GPR45: variants seen among roughly 807,000 people sequenced by gnomAD.
GPR45 encodes probable G protein-coupled receptor 45.
Under a neutral mutation model 5.9 loss-of-function variants are expected in GPR45, and 7 were observed. The ratio of observed to expected loss-of-function variants is 1.19; its 90% CI spans 0.68 to 2.23. The LOEUF (loss-of-function observed/expected upper bound fraction) is 2.23. Ranked by LOEUF, GPR45 falls within the 30% of genes most tolerant of loss-of-function variation. The pLI is 0.00. For synonymous variants in GPR45, 220 were observed against 226.3 expected, an observed-to-expected ratio of 0.97 and a Z score of 0.25; for missense variants, 440 against 496.9, an observed-to-expected ratio of 0.89 and a Z score of 1.09.
At position 105,242,715 on chromosome 2, in the gene GPR45, A is replaced by G. The variant is rs759108867; in HGVS notation, c.857A>G (p.Tyr286Cys). The G allele has an allele frequency of 6.2e-7, 1 of 1,611,352 alleles. No homozygotes were observed. Among genetic ancestry groups the G allele is most frequent in the Non-Finnish European group, 8.5e-7 (1 of 1,178,160 alleles). ...CTCTGCTGGCTGCCCCACTCCGTCT[A>G]CAGCCTCCTGTCTGTGTTTAGCCAG... ...FSLCWLPHSV[Y>C]SLLSVFSQRF... The change falls in exon 1 of 1, where the codon TAC becomes TGC. Residue 286 changes from tyrosine (Y) to cysteine (C), a missense_variant. Physicochemically the swap from Tyr to Cys is radical, Grantham distance 194. Coordinates refer to ENST00000258456, the MANE Select transcript of GPR45 (RefSeq NM_007227.3). The surrounding 1 kb of genome is among the most constrained non-coding windows in gnomAD (Gnocchi z 4.8).
chr2:105,242,193 C>T lies in GPR45; in HGVS notation c.335C>T (p.Thr112Met). The T allele has an allele frequency of 6.2e-7, 1 of 1,614,152 alleles. No homozygotes were observed. Among genetic ancestry groups the T allele is most frequent in the Non-Finnish European group, 8.5e-7 (1 of 1,180,028 alleles). The change falls in exon 1 of 1, where the codon ACG (threonine) becomes ATG (methionine). Residue 112 changes from threonine (T) to methionine (M), a missense_variant. Physicochemically the swap from Thr to Met is moderately conservative, Grantham distance 81 (BLOSUM62 -1). Transcript: ENST00000258456. This position sits in a 1 kb window ranked among gnomAD's most constrained non-coding sequence, Gnocchi z 4.8. Reference sequence around the variant, plus strand: ...GACCACTTCTGCCGCCTCTCAGCCACGCTCTACTGGTTTTTTGTCCTGGAG... The same window carrying T: ...GACCACTTCTGCCGCCTCTCAGCCATGCTCTACTGGTTTTTTGTCCTGGAG... Reference protein sequence around the residue: ...FGDHFCRLSATLYWFFVLEGV... With the variant: ...FGDHFCRLSAMLYWFFVLEGV...
Position 105,242,660 on chromosome 2 carries a change from A to G in GPR45, c.802A>G (p.Thr268Ala). ...GAGCTTCAAGACCAAGGCCTTCACCACCATCCTGATCCTCTTCGTGGGCTT... is the reference window on the plus strand; with the variant it reads ...GAGCTTCAAGACCAAGGCCTTCACCGCCATCCTGATCCTCTTCGTGGGCTT... ...DLSFKTKAFT[T>A]ILILFVGFSL... is the part of the protein sequence containing the mutation. Residue 268 changes from threonine (T) to alanine (A), a missense_variant, in exon 1 of 1, where the codon ACC becomes GCC. Thr to Ala is a moderately conservative substitution (Grantham distance 58). Transcript: ENST00000258456. This position sits in a 1 kb window ranked among gnomAD's most constrained non-coding sequence, Gnocchi z 4.8. 8.8e-6 allele frequency: 14 copies of G among 1,599,116 alleles called. No individual in the cohort carries two copies. Among genetic ancestry groups the G allele is most frequent in the Non-Finnish European group, 1.2e-5 (14 of 1,171,348 alleles).
In GPR45 at chr2:105,243,439, G is replaced by C. The variant is rs1387798792; in HGVS notation, c.*462G>C. On this transcript the variant is annotated 3_prime_UTR_variant, in exon 1 of 1. Coordinates refer to ENST00000258456, the MANE Select transcript of GPR45 (RefSeq NM_007227.3). The stretch of plus-strand genomic sequence containing the variant: ...GTTCATTCATTTTGTTTGACACCAG[G>C]GTTCTTCAGCTATTGATGTTTGTGG... Among the ~76,000 whole-genome samples, 1 of 152,188 alleles carries C rather than the reference G, an allele frequency of 6.6e-6. No homozygotes were observed. The highest frequency in any genetic ancestry group is 1.5e-5 in the Non-Finnish European group (1 of 68,042).
chr2:105,243,132 C>A lies in GPR45; in HGVS notation c.*155C>A. ...TTGTAATCAGATGAGCTGCAGCTCCCAAATTTCAAATTTTGGCACGATGAA... is the reference window on the plus strand; with the variant it reads ...TTGTAATCAGATGAGCTGCAGCTCCAAAATTTCAAATTTTGGCACGATGAA... On this transcript the variant is annotated 3_prime_UTR_variant, in exon 1 of 1. Transcript: ENST00000258456. The A allele has an allele frequency of 1.0e-6, 1 of 984,440 alleles. No individual in the cohort carries two copies. The allele number at this position is 984,440 out of a possible 1,614,324, so 61.0% of individuals were successfully genotyped here.
rs962014378 is a variant in GPR45 at position 105,242,483 on chromosome 2, G to T, written c.625G>T (p.Gly209Cys). The T allele has an allele frequency of 5.6e-6, 9 of 1,605,692 alleles. 1 individual carries two copies. In the Admixed American group the frequency reaches 1.2e-4, roughly 21 times the overall value. Residue 209 changes from glycine (G) to cysteine (C), a missense_variant, in exon 1 of 1, where the codon GGC (glycine) becomes TGC (cysteine). By Grantham distance (159) the Gly-to-Cys change is radical. Transcript: ENST00000258456. The surrounding 1 kb of genome is among the most constrained non-coding windows in gnomAD (Gnocchi z 4.8). The stretch of plus-strand genomic sequence containing the variant: ...GGTGGCCGTGTTCTTCGCGCCCTTT[G>T]GCGTCATGCTGTGCGCCTACATGTG... The part of the protein sequence containing the change: ...LVVAVFFAPF[G>C]VMLCAYMCIL...
At position 105,242,755 on chromosome 2, in the gene GPR45, T is replaced by C. The variant is rs1469086853; in HGVS notation, c.897T>C (p.Gly299=). The change falls in exon 1 of 1, where the codon GGT becomes GGC. Residue 299 remains glycine, a synonymous_variant. Transcript: ENST00000258456. This position sits in a 1 kb window ranked among gnomAD's most constrained non-coding sequence, Gnocchi z 4.8. ...TGTTTAGCCAGCGCTTTTACTGCGGTTCCTCCTTCTACGCCACCAGCACCT... is the reference window on the plus strand; with the variant it reads ...TGTTTAGCCAGCGCTTTTACTGCGGCTCCTCCTTCTACGCCACCAGCACCT... ...LSVFSQRFYC[G]SSFYATSTCV... is the part of the protein sequence containing the mutation. 1 of 1,614,120 alleles carries C rather than the reference T, an allele frequency of 6.2e-7. No individual in the cohort carries two copies. Among genetic ancestry groups the C allele is most frequent in the South Asian group, 1.1e-5 (1 of 91,082 alleles).
rs970662249 is a variant in GPR45, at chr2:105,242,438, G to A, written c.580G>A (p.Ala194Thr). 14 of 1,609,036 alleles carry A rather than the reference G, an allele frequency of 8.7e-6. No individual in the cohort carries two copies. In the African/African-American group the frequency reaches 1.2e-4, roughly 14 times the overall value. Residue 194 changes from alanine to threonine, a missense_variant, in exon 1 of 1, where the codon GCC becomes ACC. Coordinates refer to ENST00000258456, the MANE Select transcript of GPR45 (RefSeq NM_007227.3). This position sits in a 1 kb window ranked among gnomAD's most constrained non-coding sequence, Gnocchi z 4.8. ...LGYTELPADR[A>T]YVVTLVVAVF... ...CTACACGGAGCTCCCCGCTGACCGC[G>A]CCTACGTGGTCACCTTGGTGGTGGC...
At position 105,241,948 on chromosome 2, in the gene GPR45, C is replaced by T. The variant is rs201019049; in HGVS notation, c.90C>T (p.Pro30=). The T allele has an allele frequency of 5.0e-6, 8 of 1,612,844 alleles. No homozygotes were observed. Among genetic ancestry groups the T allele is most frequent in the East Asian group, 2.2e-5 (1 of 44,830 alleles). ...NASDSGSTQL[P]APLRISLAIV... ...CAGACTCGGGGTCCACCCAGTTGCC[C>T]GCACCCCTCAGGATCTCCTTGGCCA... Residue 30 remains proline, a synonymous_variant, in exon 1 of 1, where the codon CCC becomes CCT. Transcript: ENST00000258456.
At position 105,242,571 on chromosome 2, in the gene GPR45, T is replaced by C; in HGVS notation, c.713T>C (p.Leu238Pro). Residue 238 changes from leucine to proline, a missense_variant, in exon 1 of 1, where the codon CTG becomes CCG. Leu to Pro is a moderately conservative substitution (Grantham distance 98). Transcript: ENST00000258456. The surrounding 1 kb of genome is among the most constrained non-coding windows in gnomAD (Gnocchi z 4.8). Reference protein sequence around the residue: ...RVHNQSDSLDLRQLTRAGLRR... With the variant: ...RVHNQSDSLDPRQLTRAGLRR... Reference sequence around the variant, plus strand: ...CACAACCAGTCGGACAGCCTGGACCTGCGGCAGCTCACCAGGGCGGGCCTG... The same window carrying C: ...CACAACCAGTCGGACAGCCTGGACCCGCGGCAGCTCACCAGGGCGGGCCTG... The C allele has an allele frequency of 1.9e-6, 3 of 1,610,482 alleles. No individual in the cohort carries two copies. The highest frequency in any genetic ancestry group is 2.5e-6 in the Non-Finnish European group (3 of 1,179,604).
At position 105,242,382 on chromosome 2, in the gene GPR45, T is replaced by C; in HGVS notation, c.524T>C (p.Val175Ala). 1 of 1,612,384 alleles carries C rather than the reference T, an allele frequency of 6.2e-7. No homozygotes were observed. The highest frequency in any genetic ancestry group is 1.1e-5 in the South Asian group (1 of 91,004). Reference sequence around the variant, plus strand: ...CTCACGGGCTGGACGCTGGTGGAGGTGCCGGCGCGGGCCCCACAGTGCGTG... The same window carrying C: ...CTCACGGGCTGGACGCTGGTGGAGGCGCCGGCGCGGGCCCCACAGTGCGTG... ...PSLTGWTLVE[V>A]PARAPQCVLG... Residue 175 changes from valine (V) to alanine (A), a missense_variant, in exon 1 of 1, where the codon GTG (valine) becomes GCG (alanine). Coordinates refer to ENST00000258456, the MANE Select transcript of GPR45 (RefSeq NM_007227.3). The surrounding 1 kb of genome is among the most constrained non-coding windows in gnomAD (Gnocchi z 4.8).
chr2:105,242,181 G>C lies in GPR45; in HGVS notation c.323G>C (p.Arg108Pro). ...TGGCACTTTGGGGACCACTTCTGCC[G>C]CCTCTCAGCCACGCTCTACTGGTTT... The part of the protein sequence containing the change: ...VRWHFGDHFC[R>P]LSATLYWFFV... Residue 108 changes from arginine (R) to proline (P), a missense_variant, in exon 1 of 1, where the codon CGC becomes CCC. Coordinates refer to ENST00000258456, the MANE Select transcript of GPR45 (RefSeq NM_007227.3). This position sits in a 1 kb window ranked among gnomAD's most constrained non-coding sequence, Gnocchi z 4.8. 6.2e-7 allele frequency: 1 copy of C among 1,614,040 alleles called. No individual in the cohort carries two copies. The highest frequency in any genetic ancestry group is 8.5e-7 in the Non-Finnish European group (1 of 1,180,028).
chr2:105,243,410 G>C lies in GPR45; in HGVS notation c.*433G>C, dbSNP rs985415438. ...GAAACCCCAGTAGGTGTGAGCTCCT[G>C]GGTGTTCATTCATTTTGTTTGACAC... On this transcript the variant is annotated 3_prime_UTR_variant, in exon 1 of 1. Transcript: ENST00000258456. 6.6e-6 allele frequency among the ~76,000 whole-genome samples: 1 copy of C among 152,130 alleles called. No individual in the cohort carries two copies. Among genetic ancestry groups the C allele is most frequent in the Non-Finnish European group, 1.5e-5 (1 of 68,030 alleles).
At position 105,242,022 on chromosome 2, in the gene GPR45, T is replaced by C. The variant is rs759792071; in HGVS notation, c.164T>C (p.Val55Ala). ...GTGGGGTTCCTGGGCAACACTGTGG[T>C]CTGCATCATCGTGTACCAGAGGCCG... The part of the protein sequence containing the change: ...TVVGFLGNTV[V>A]CIIVYQRPAM... Residue 55 changes from valine to alanine, a missense_variant, in exon 1 of 1, where the codon GTC becomes GCC. By Grantham distance (64) the Val-to-Ala change is moderately conservative. Coordinates refer to ENST00000258456, the MANE Select transcript of GPR45 (RefSeq NM_007227.3). This position sits in a 1 kb window ranked among gnomAD's most constrained non-coding sequence, Gnocchi z 4.8. The C allele has an allele frequency of 5.6e-6, 9 of 1,614,028 alleles. No homozygotes were observed. The highest frequency in any genetic ancestry group is 1.1e-5 in the South Asian group (1 of 91,080).
In GPR45 at chr2:105,243,036, C is replaced by T. The variant is rs759956973; in HGVS notation, c.*59C>T. 2.3e-5 allele frequency: 36 copies of T among 1,544,360 alleles called. No individual in the cohort carries two copies. In the Middle Eastern group the frequency reaches 5.2e-4, roughly 22 times the overall value. ...GCCCCAGTCCCAGGGTGGATCTGTC[C>T]TGCTCTGTTCCCTGGCATGTTGGTC... is the stretch of plus-strand genomic sequence containing the variant. On this transcript the variant is annotated 3_prime_UTR_variant, in exon 1 of 1. Coordinates refer to ENST00000258456, the MANE Select transcript of GPR45 (RefSeq NM_007227.3).
chr2:105,243,092 C>A lies in GPR45; in HGVS notation c.*115C>A. On this transcript the variant is annotated 3_prime_UTR_variant, in exon 1 of 1. Transcript: ENST00000258456. ...CTGCACTTTGTGGTGGCAATTTAAG[C>A]ACAAAGGTACTCATTTGTAATCAGA... 7.6e-7 allele frequency: 1 copy of A among 1,308,290 alleles called. No homozygotes were observed. Among genetic ancestry groups the A allele is most frequent in the Non-Finnish European group, 1.0e-6 (1 of 955,922 alleles). The allele number at this position is 1,308,290 out of a possible 1,614,324, so 81.0% of individuals were successfully genotyped here. A position where few individuals can be genotyped will look rare whatever the true frequency, so the allele number is the denominator to read the frequency against.
rs940896807 is a variant in GPR45 at position 105,243,460 on chromosome 2, T to C, written c.*483T>C. On this transcript the variant is annotated 3_prime_UTR_variant, in exon 1 of 1. Transcript: ENST00000258456. ...CCAGGGTTCTTCAGCTATTGATGTT[T>C]GTGGTGTGTGGGGACTCACATGAGG... is the stretch of plus-strand genomic sequence containing the variant. 3.9e-5 allele frequency among the ~76,000 whole-genome samples: 6 copies of C among 152,190 alleles called. No individual in the cohort carries two copies. The highest frequency in any genetic ancestry group is 7.4e-5 in the Non-Finnish European group (5 of 68,020).
In GPR45 at chr2:105,241,935, C is replaced by G; in HGVS notation, c.77C>G (p.Ser26Cys). 6.2e-6 allele frequency: 10 copies of G among 1,611,044 alleles called. No homozygotes were observed. The highest frequency in any genetic ancestry group is 8.5e-6 in the Non-Finnish European group (10 of 1,177,942). ...ACCAGCAACGCCTCAGACTCGGGGT[C>G]CACCCAGTTGCCCGCACCCCTCAGG... ...LNTSNASDSG[S>C]TQLPAPLRIS... Residue 26 changes from serine to cysteine, a missense_variant, in exon 1 of 1, where the codon TCC (serine) becomes TGC (cysteine). Physicochemically the swap from Ser to Cys is moderately radical, Grantham distance 112. Transcript: ENST00000258456.
Position 105,242,841 on chromosome 2 carries a change from T to C in GPR45, c.983T>C (p.Ile328Thr). The change falls in exon 1 of 1, where the codon ATC becomes ACC. Residue 328 changes from isoleucine to threonine, a missense_variant. Transcript: ENST00000258456. This position sits in a 1 kb window ranked among gnomAD's most constrained non-coding sequence, Gnocchi z 4.8. Reference sequence around the variant, plus strand: ...AACCCCATCGTCTACTGCTGGAGAATCAAAAAATTCCGCGAGGCCTGCATA... The same window carrying C: ...AACCCCATCGTCTACTGCTGGAGAACCAAAAAATTCCGCGAGGCCTGCATA... ...VFNPIVYCWR[I>T]KKFREACIEL... is the part of the protein sequence containing the mutation. 1.2e-6 allele frequency: 2 copies of C among 1,614,170 alleles called. No individual in the cohort carries two copies. Among genetic ancestry groups the C allele is most frequent in the Non-Finnish European group, 1.7e-6 (2 of 1,180,026 alleles).
rs1676372827 is a variant in GPR45, at chr2:105,242,582, A to T, written c.724A>T (p.Thr242Ser). Reference protein sequence around the residue: ...QSDSLDLRQLTRAGLRRLQRQ... With the variant: ...QSDSLDLRQLSRAGLRRLQRQ... ...GGACAGCCTGGACCTGCGGCAGCTCACCAGGGCGGGCCTGCGGCGCCTGCA... is the reference window on the plus strand; with the variant it reads ...GGACAGCCTGGACCTGCGGCAGCTCTCCAGGGCGGGCCTGCGGCGCCTGCA... Residue 242 changes from threonine (T) to serine (S), a missense_variant, in exon 1 of 1, where the codon ACC becomes TCC. Physicochemically the swap from Thr to Ser is moderately conservative, Grantham distance 58. Transcript: ENST00000258456. This position sits in a 1 kb window ranked among gnomAD's most constrained non-coding sequence, Gnocchi z 4.8. The T allele has an allele frequency of 2.7e-5, 43 of 1,611,058 alleles. No individual in the cohort carries two copies. The highest frequency in any genetic ancestry group is 3.5e-5 in the Non-Finnish European group (41 of 1,179,418).
Sources: gnomAD v4.1 joint callset for allele counts (sites outside exome capture counted in the v4.1 genomes callset) on GRCh38, gnomAD v4.1.1 for gene constraint, Gnocchi (gnomAD v3.1) non-coding constraint, MANE v1.5 for transcripts, NCBI Gene and HGNC (gene_info 2026-07-23, HGNC 2026-07-21) for gene names.